The following CYP1A1 variants were observed in gnomAD, a reference collection of about 807,000 sequenced individuals.
CYP1A1 encodes the protein cytochrome P450 1A1.
A neutral mutation model predicts 33.6 loss-of-function variants in CYP1A1; 43 were observed. The ratio of observed to expected loss-of-function variants is 1.28; its 90% CI spans 1.00 to 1.65. The LOEUF is 1.65. Among genes scored for constraint, CYP1A1 ranks in the 40% most tolerant of loss-of-function variants. The probability of loss-of-function intolerance (pLI) is 0.00; values close to 1 mark genes in which losing one functional copy is unlikely to be tolerated. For missense variants in CYP1A1, 637 were observed against 653.7 expected (o/e 0.97, Z 0.28); for synonymous variants, 280 against 257.8 (o/e 1.09, Z -0.83).
chr15:74,723,011 T>A lies in CYP1A1; in HGVS notation c.87A>T (p.Ser29=). Residue 29 remains serine (S), a synonymous_variant, in exon 2 of 7, where the codon TCA becomes TCT. Transcript: ENST00000379727. ...FCLVFWVIRA[S]RPQVPKGLKN... ...TCAGGCCTTTGGGGACCTGAGGTCT[T>A]GAGGCCCTGATTACCCAGAATACCA... The A allele has an allele frequency of 1.9e-6, 3 of 1,613,854 alleles. No individual in the cohort carries two copies. Among genetic ancestry groups the A allele is most frequent in the Non-Finnish European group, 2.5e-6 (3 of 1,179,840 alleles).
intron 6 of CYP1A1, 61 bp downstream of exon 6, chr15:74,720,906 T>C: frequency 1.3e-6 from 2 of 1,567,536 alleles, no homozygotes; most frequent in Non-Finnish European, 1.8e-6. Flanking sequence ...ATGATTGTAT[T>C]AATCATATAT....
In CYP1A1 at chr15:74,721,461, T is replaced by C; in HGVS notation, c.995A>G (p.Tyr332Cys). The C allele has an allele frequency of 6.2e-7, 1 of 1,614,136 alleles. No individual in the cohort carries two copies. Among genetic ancestry groups the C allele is most frequent in the Non-Finnish European group, 8.5e-7 (1 of 1,180,022 alleles). ...CTGTACCCTGGGGTTCATCACCAAA[T>C]ACATGAGGCTCCAGGAGATAGCAGT... is the stretch of plus-strand genomic sequence containing the variant. ...VTTAISWSLM[Y>C]LVMNPRVQRK... Residue 332 changes from tyrosine (Y) to cysteine (C), a missense_variant, in exon 4 of 7, where the codon TAT becomes TGT. Tyr to Cys is a radical substitution (Grantham distance 194). Coordinates refer to ENST00000379727, the MANE Select transcript of CYP1A1 (RefSeq NM_001319217.2).
Position 74,720,513 on chromosome 15 carries a change from G to A in CYP1A1, c.1515C>T (p.His505=). The A allele has an allele frequency of 6.3e-7, 1 of 1,580,006 alleles. No homozygotes were observed. The highest frequency in any genetic ancestry group is 8.6e-7 in the Non-Finnish European group (1 of 1,163,072). The stretch of plus-strand genomic sequence containing the variant: ...CCTAAGAGCGCAGCTGCATTTGGAA[G>A]TGCTCACAGCAGGCATGCTTCATGG... ...GLTMKHACCE[H]FQMQLRS Residue 505 remains histidine, a synonymous_variant, in exon 7 of 7, where the codon CAC becomes CAT. Coordinates refer to ENST00000379727, the MANE Select transcript of CYP1A1 (RefSeq NM_001319217.2).
intron 1 of CYP1A1, 25 bp from the exon 2 acceptor site, chr15:74,723,151 A>G: frequency 7.3e-7 from 1 of 1,378,826 alleles, no homozygotes; most frequent in South Asian, 1.5e-5. Flanking sequence ...AGGAAGAAAA[A>G]AAGTCAAGCC....
rs765089792 is a variant in CYP1A1 at position 74,722,332 on chromosome 15, C to CATTCAG, written c.760_765dup (p.Leu254_Asn255dup). The CATTCAG allele has an allele frequency of 1.8e-5, 29 of 1,614,024 alleles. No homozygotes were observed. In the South Asian group the frequency reaches 3.1e-4, roughly 17 times the overall value. ...TTCTGCATGAAGCTGTAGAACTTCT[C>CATTCAG]ATTCAGGTCCTTGAAGGCATTCAGG... On this transcript the variant is annotated inframe_insertion, in exon 2 of 7. Transcript: ENST00000379727.
chr15:74,720,629 C>T lies in CYP1A1; in HGVS notation c.1399G>A (p.Val467Ile). The change falls in exon 7 of 7, where the codon GTC becomes ATC. Residue 467 changes from valine (V) to isoleucine (I), a missense_variant. Coordinates refer to ENST00000379727, the MANE Select transcript of CYP1A1 (RefSeq NM_001319217.2). ...AGCAGGATAGCCAGGAAGAGAAAGA[C>T]CTCCCAGCGGGCAATGGTCTCACCG... ...CIGETIARWE[V>I]FLFLAILLQR... The T allele has an allele frequency of 6.2e-7, 1 of 1,614,216 alleles. No individual in the cohort carries two copies.
In CYP1A1 at chr15:74,722,761, T is replaced by A. The variant is rs1367571879; in HGVS notation, c.337A>T (p.Thr113Ser). ...ATGCTCTGACCATTACTGATGAGGG[T>A]GAAGGTGTAGAGGTCGGGCCGGCCC... ...FKGRPDLYTF[T>S]LISNGQSMSF... is the part of the protein sequence containing the mutation. The change falls in exon 2 of 7, where the codon ACC (threonine) becomes TCC (serine). Residue 113 changes from threonine (T) to serine (S), a missense_variant. Physicochemically the swap from Thr to Ser is moderately conservative, Grantham distance 58 (BLOSUM62 1). Transcript: ENST00000379727. The A allele has an allele frequency of 1.2e-6, 2 of 1,613,298 alleles. No individual in the cohort carries two copies. The highest frequency in any genetic ancestry group is 1.7e-5 in the Admixed American group (1 of 59,986).
In CYP1A1 at chr15:74,721,664, C is replaced by G. The variant is rs369522545; in HGVS notation, c.879G>C (p.Gln293His). The change falls in exon 3 of 7, where the codon CAG becomes CAC. Residue 293 changes from glutamine to histidine, a missense_variant. Physicochemically the swap from Gln to His is conservative, Grantham distance 24. Transcript: ENST00000379727. ...DSLIEHCQEK[Q>H]LDENANVQLS... is the part of the protein sequence containing the mutation. Reference sequence around the variant, plus strand: ...GCTGGACATTGGCGTTCTCATCCAGCTGCTTCTCCTGACAGTGCTCAATCA... The same window carrying G: ...GCTGGACATTGGCGTTCTCATCCAGGTGCTTCTCCTGACAGTGCTCAATCA... The G allele has an allele frequency of 6.2e-7, 1 of 1,614,110 alleles. No homozygotes were observed. Among genetic ancestry groups the G allele is most frequent in the African/African-American group, 1.3e-5 (1 of 74,968 alleles).
intron 2 of CYP1A1, 42 bp from the exon 3 acceptor site, chr15:74,721,759 C>T (rs2063172561): frequency 1.2e-6 from 2 of 1,605,294 alleles, no homozygotes; most frequent in Non-Finnish European, 1.7e-6. Context: ...ATCTCAAACC[C>T]AGAGCTACCT....
chr15:74,721,720 T>C lies in CYP1A1; in HGVS notation c.826-3A>G, dbSNP rs1431772756. ...TCTGTGATGTCCCGGATGTGGCCCTTAGGTAGGGAAAGTCCACAGGTGAGC... is the reference window on the plus strand; with the variant it reads ...TCTGTGATGTCCCGGATGTGGCCCTCAGGTAGGGAAAGTCCACAGGTGAGC... On this transcript the variant is annotated splice_polypyrimidine_tract_variant and splice_region_variant and intron_variant, in intron 2 of 6. Transcript: ENST00000379727. 18 of 1,613,572 alleles carry C rather than the reference T, an allele frequency of 1.1e-5. No homozygotes were observed. The highest frequency in any genetic ancestry group is 1.5e-5 in the Non-Finnish European group (18 of 1,179,872).
Position 74,722,611 on chromosome 15 carries a change from C to T in CYP1A1, c.487G>A (p.Val163Met). ...ATCAGGACCTCAGCCTCCTTGCTCA[C>T]ATGCTCTTCCAGGTAGCAGGAGGTT... The part of the protein sequence containing the change: ...SSTSCYLEEH[V>M]SKEAEVLIST... The change falls in exon 2 of 7, where the codon GTG (valine) becomes ATG (methionine). Residue 163 changes from valine (V) to methionine (M), a missense_variant. By Grantham distance (21) the Val-to-Met change is conservative. Transcript: ENST00000379727. The T allele has an allele frequency of 6.2e-7, 1 of 1,614,130 alleles. No individual in the cohort carries two copies. Among genetic ancestry groups the T allele is most frequent in the Non-Finnish European group, 8.5e-7 (1 of 1,180,040 alleles).
chr15:74,720,904 A>C, intron 6 of CYP1A1, 63 bp downstream of exon 6: 1 of 1,567,258 alleles, frequency 6.4e-7, no homozygotes, highest in Non-Finnish European at 8.8e-7. Context: ...CAATGATTGT[A>C]TTAATCATAT....
At chr15:74,721,356 C>T (rs2063168538) in intron 4 of CYP1A1, 34 bp from the exon 5 acceptor site, 5 of 1,613,752 alleles carry the variant, frequency 3.1e-6, no homozygotes, top group Non-Finnish European at 4.2e-6. Flanking sequence ...GATGCAGGGG[C>T]TGCCTAGACC....
chr15:74,722,216 C>T, intron 2 of CYP1A1, 57 bp downstream of exon 2: 1 of 1,471,092 alleles, frequency 6.8e-7, no homozygotes, highest in Non-Finnish European at 9.4e-7. Flanking sequence ...CCTTTGACCT[C>T]CCAGGCCCTG....
chr15:74,720,289 C>A lies in CYP1A1; in HGVS notation c.*200G>T, dbSNP rs1335618832. 1 of 498,626 alleles carries A rather than the reference C, an allele frequency of 2.0e-6. No individual in the cohort carries two copies. Among genetic ancestry groups the A allele is most frequent in the Non-Finnish European group, 3.4e-6 (1 of 292,438 alleles). The allele number at this position is 498,626 out of a possible 1,614,324, so 30.9% of individuals were successfully genotyped here. A position where few individuals can be genotyped will look rare whatever the true frequency, so the allele number is the denominator to read the frequency against. Reference sequence around the variant, plus strand: ...TGTGGCCCTGTTTTACCTGTTGTCTCTGGAGGGTGTGCAGAGGCAAGTCCA... The same window carrying A: ...TGTGGCCCTGTTTTACCTGTTGTCTATGGAGGGTGTGCAGAGGCAAGTCCA... On this transcript the variant is annotated 3_prime_UTR_variant, in exon 7 of 7. Coordinates refer to ENST00000379727, the MANE Select transcript of CYP1A1 (RefSeq NM_001319217.2).
intron 1 of CYP1A1, among the ~76,000 whole-genome samples, chr15:74,724,670 A>G (rs1458550661): frequency 6.7e-6 from 1 of 149,958 alleles, no homozygotes; most frequent in African/African-American, 2.5e-5. Flanking sequence ...TCCCTGAGTC[A>G]ACAGGGGACA....
At position 74,721,590 on chromosome 15, in the gene CYP1A1, C is replaced by T; in HGVS notation, c.952+1G>A. ...GGAAGGACACAATGGGGTAACCATACCAGCTCCAAAGAGGTCCAAGACGAT... is the reference window on the plus strand; with the variant it reads ...GGAAGGACACAATGGGGTAACCATATCAGCTCCAAAGAGGTCCAAGACGAT... On this transcript the variant is annotated splice_donor_variant, in intron 3 of 6. Coordinates refer to ENST00000379727, the MANE Select transcript of CYP1A1 (RefSeq NM_001319217.2). LOFTEE classifies it high-confidence loss of function. 6.2e-7 allele frequency: 1 copy of T among 1,614,154 alleles called. No homozygotes were observed. The highest frequency in any genetic ancestry group is 8.5e-7 in the Non-Finnish European group (1 of 1,180,020).
chr15:74,720,377 A>T lies in CYP1A1; in HGVS notation c.*112T>A. 8.0e-7 allele frequency: 1 copy of T among 1,250,738 alleles called. No homozygotes were observed. 77.5% of individuals were successfully genotyped at this position (1,250,738 alleles called of 1,614,324 possible). ...GCCCAGATAGCAAAACTGCAGCCAGATCAGTGTCTATGAGTTTCAGGCTGA... is the reference window on the plus strand; with the variant it reads ...GCCCAGATAGCAAAACTGCAGCCAGTTCAGTGTCTATGAGTTTCAGGCTGA... On this transcript the variant is annotated 3_prime_UTR_variant, in exon 7 of 7. Coordinates refer to ENST00000379727, the MANE Select transcript of CYP1A1 (RefSeq NM_001319217.2).
intron 6 of CYP1A1, 36 bp from the exon 7 acceptor site, chr15:74,720,810 A>T (rs2063162649): frequency 1.3e-6 from 2 of 1,585,932 alleles, no homozygotes; most frequent in East Asian, 4.5e-5. Flanking sequence ...GTGGCAGTTC[A>T]GGGCTCAGAA....
Sources: gnomAD v4.1 joint callset for allele counts (sites outside exome capture counted in the v4.1 genomes callset) on GRCh38, gnomAD v4.1.1 for gene constraint, MANE v1.5 for transcripts, NCBI Gene and HGNC (gene_info 2026-07-23, HGNC 2026-07-21) for gene names.